Variants in RALY observed in about 807,000 individuals in gnomAD.
RALY encodes RALY heterogeneous nuclear ribonucleoprotein, also known as RNA-binding protein Raly.
A neutral mutation model predicts 30.7 loss-of-function variants in RALY; 15 were observed. That is an observed-to-expected ratio of 0.49 (90% CI 0.33 to 0.75). The LOEUF (loss-of-function observed/expected upper bound fraction) is 0.75, where lower values mean the gene tolerates loss of function less well. Among genes scored for constraint, RALY ranks in the 30% least tolerant of loss-of-function variants. RALY has a pLI of 0.02. For missense variants in RALY, 339 were observed against 414.3 expected, an observed-to-expected ratio of 0.82 and a Z score of 1.58; for synonymous variants, 177 against 170.8, an observed-to-expected ratio of 1.04 and a Z score of -0.28.
chr20:34,051,762 A>AT (rs2033086808), intron 2 of RALY, among the ~76,000 whole-genome samples: 1 of 151,678 alleles, frequency 6.6e-6, no homozygotes. Flanking sequence ...CACCTGGCTA[A>AT]TTTTTTTTGT....
intron 1 of RALY, among the ~76,000 whole-genome samples, chr20:34,015,864 C>CAA (rs993266463): frequency 6.6e-6 from 1 of 152,092 alleles, no homozygotes; most frequent in African/African-American, 2.4e-5. Flanking sequence ...CACACACACA[C>CAA]AATTGATGTG....
At chr20:34,041,561 T>G (rs540878803) in intron 2 of RALY, among the ~76,000 whole-genome samples, 120 of 152,324 alleles carry the variant, frequency 7.9e-4, no homozygotes, top group African/African-American at 2.8e-3. Context: ...TGTCTTTTTC[T>G]CAGCCTTCCT....
rs1020768762 is a variant in RALY, at chr20:34,072,010, G to A, written c.-9-56G>A. The A allele has an allele frequency of 1.9e-6, 3 of 1,579,472 alleles. No individual in the cohort carries two copies. The Admixed American group carries it at 5.3e-5, about 28-fold the overall frequency. The stretch of plus-strand genomic sequence containing the variant: ...TCATTTATCCAGGATATGGGCCGTG[G>A]GCAGTCCTTGAGCCCAGCCCAGGGA... On this transcript the variant is annotated intron_variant, in intron 2 of 9. Transcript: ENST00000246194.
rs1188039671 is a variant in RALY, at chr20:34,080,292, C to T, written c.*387C>T. 6.6e-6 allele frequency: 1 copy of T among 152,302 alleles called. No individual in the cohort carries two copies. Among genetic ancestry groups the T allele is most frequent in the Non-Finnish European group, 1.5e-5 (1 of 68,124 alleles). The allele number at this position is 152,302 out of a possible 1,614,324, so 9.4% of individuals were successfully genotyped here. ...TCTGAGATGGGATGGTTTGTGTTTT[C>T]TCATGAAGATATCCCGGCCCCTCTG... On this transcript the variant is annotated 3_prime_UTR_variant, in exon 10 of 10. Transcript: ENST00000246194.
chr20:34,053,988 T>C (rs1345302452), intron 2 of RALY, among the ~76,000 whole-genome samples: 1 of 152,190 alleles, frequency 6.6e-6, no homozygotes, highest in African/African-American at 2.4e-5. Flanking sequence ...TTTTGTTGCC[T>C]TTGCTCCCTG....
At chr20:34,035,179 A>AAAAAAAAC (rs2032445935) in intron 2 of RALY, among the ~76,000 whole-genome samples, 2 of 144,874 alleles carry the variant, frequency 1.4e-5, no homozygotes, top group African/African-American at 5.4e-5. Context: ...AAAAAAAAAA[A>AAAAAAAAC]AAAAAAAACA....
chr20:34,070,181 A>G (rs1207237598), intron 2 of RALY, among the ~76,000 whole-genome samples: 1 of 152,210 alleles, frequency 6.6e-6, no homozygotes. Flanking sequence ...CAGACTGATG[A>G]AAGTTTTTAT....
chr20:34,038,119 T>C (rs2032569341), intron 2 of RALY, among the ~76,000 whole-genome samples: 1 of 152,228 alleles, frequency 6.6e-6, no homozygotes, highest in South Asian at 2.1e-4. Flanking sequence ...CTCTGGGCTC[T>C]ATGAGGTCCC....
intron 1 of RALY, among the ~76,000 whole-genome samples, chr20:34,013,756 C>T (rs907043744): frequency 2.6e-5 from 4 of 152,190 alleles, no homozygotes; most frequent in Non-Finnish European, 5.9e-5. Context: ...TTCATTGGAT[C>T]GAGACAGTAT....
At chr20:34,032,465 A>C (rs1026380193) in intron 2 of RALY, among the ~76,000 whole-genome samples, 2 of 151,996 alleles carry the variant, frequency 1.3e-5, no homozygotes, top group Non-Finnish European at 2.9e-5. Flanking sequence ...TTAAGAACTT[A>C]CTATGTTACT....
chr20:34,022,157 T>TG (rs2031853156), intron 1 of RALY, among the ~76,000 whole-genome samples: 1 of 151,468 alleles, frequency 6.6e-6, no homozygotes, highest in Admixed American at 6.6e-5. Context: ...CTCGAACTCC[T>TG]GGGCTCAGGT....
At chr20:34,033,880 C>T (rs529816022) in intron 2 of RALY, among the ~76,000 whole-genome samples, 1 of 152,322 alleles carries the variant, frequency 6.6e-6, no homozygotes, top group East Asian at 1.9e-4. Context: ...CTCCTCCTCT[C>T]CTTTCTTTTG....
rs555665723 is a variant in RALY at position 34,020,830 on chromosome 20, A to C, written c.-92-10692A>C. ...TCTGTAAGAGAAGATAAATGTCAGA[A>C]CTAGGCCTGAAATGGATTGCAGGTG... On this transcript the variant is annotated intron_variant, in intron 1 of 9. Transcript: ENST00000246194. Among the ~76,000 whole-genome samples the C allele has an allele frequency of 3.9e-5, 6 of 152,344 alleles. No individual in the cohort carries two copies. In the East Asian group the frequency reaches 1.2e-3, roughly 29 times the overall value.
Position 34,038,858 on chromosome 20 carries a change from C to T in RALY, c.-10+7254C>T, listed in dbSNP as rs965199629. On this transcript the variant is annotated intron_variant, in intron 2 of 9. Coordinates refer to ENST00000246194, the MANE Select transcript of RALY (RefSeq NM_016732.3). The stretch of plus-strand genomic sequence containing the variant: ...TAGATGAAGAAAATACCTGGCCTGG[C>T]TTGGCGTTCAATCACTAGTGATTGG... Among the ~76,000 whole-genome samples, 14 of 152,160 alleles carry T rather than the reference C, an allele frequency of 9.2e-5. 1 individual carries two copies. The highest frequency in any genetic ancestry group is 6.5e-4 in the Admixed American group (10 of 15,274).
At chr20:34,019,040 C>T (rs1336136055) in intron 1 of RALY, among the ~76,000 whole-genome samples, 1 of 152,094 alleles carries the variant, frequency 6.6e-6, no homozygotes, top group Non-Finnish European at 1.5e-5. Flanking sequence ...TAGGATCCCT[C>T]GGCCGGGCGC....
At chr20:33,998,068 TTGTC>T (rs1257662199) in intron 1 of RALY, among the ~76,000 whole-genome samples, 13 of 152,238 alleles carry the variant, frequency 8.5e-5, no homozygotes, top group African/African-American at 3.1e-4. Flanking sequence ...CTTGTTGAGA[TTGTC>T]TTTCTTTGGA....
At chr20:34,027,272 G>T (rs1894656879) in intron 1 of RALY, among the ~76,000 whole-genome samples, 1 of 152,198 alleles carries the variant, frequency 6.6e-6, no homozygotes, top group Non-Finnish European at 1.5e-5. Flanking sequence ...TGCTAGCTTT[G>T]TTGCTTACTA....
chr20:34,018,023 T>C (rs893074053), intron 1 of RALY, among the ~76,000 whole-genome samples: 1 of 152,074 alleles, frequency 6.6e-6, no homozygotes, highest in Non-Finnish European at 1.5e-5. Flanking sequence ...GAAGGAAGAA[T>C]GAAGGGTAAG....
At chr20:34,032,905 G>A (rs2032339102) in intron 2 of RALY, among the ~76,000 whole-genome samples, 1 of 152,276 alleles carries the variant, frequency 6.6e-6, no homozygotes, top group Admixed American at 6.5e-5. Flanking sequence ...CAGTTGAGGG[G>A]CTGAACAGGG....
Sources: gnomAD v4.1 joint callset for allele counts (sites outside exome capture counted in the v4.1 genomes callset) on GRCh38, gnomAD v4.1.1 for gene constraint, MANE v1.5 for transcripts, NCBI Gene and HGNC (gene_info 2026-07-23, HGNC 2026-07-21) for gene names.